Variants in C2orf81 observed in about 807,000 individuals in gnomAD.
The protein encoded by C2orf81 is uncharacterized protein C2orf81.
Under a neutral mutation model 7.9 loss-of-function variants are expected in C2orf81, and 5 were observed. The ratio of observed to expected loss-of-function variants is 0.63; its 90% CI spans 0.33 to 1.33. C2orf81 has a LOEUF of 1.33. Among genes scored for constraint, C2orf81 ranks in the 40% most tolerant of loss-of-function variants. The probability of loss-of-function intolerance (pLI) is 0.05; values close to 1 mark genes in which losing one functional copy is unlikely to be tolerated. For synonymous variants in C2orf81, 346 were observed against 367.4 expected, an observed-to-expected ratio of 0.94 and a Z score of 0.66; for missense variants, 781 against 830.4, an observed-to-expected ratio of 0.94 and a Z score of 0.73.
At chr2:74,418,172 C>G in intron 1 of C2orf81, 1 of 1,132,666 alleles carries the variant, frequency 8.8e-7, no homozygotes, top group Non-Finnish European at 1.3e-6. Context: ...TCCTCCTTCT[C>G]CAGTTTTTTG....
chr2:74,414,258 G>T lies in C2orf81; in HGVS notation c.*71C>A. The T allele has an allele frequency of 7.3e-7, 1 of 1,375,722 alleles. No individual in the cohort carries two copies. Among genetic ancestry groups the T allele is most frequent in the African/African-American group, 1.5e-5 (1 of 68,318 alleles). 85.2% of individuals were successfully genotyped at this position (1,375,722 alleles called of 1,614,324 possible). A position where few individuals can be genotyped will look rare whatever the true frequency, so the allele number is the denominator to read the frequency against. On this transcript the variant is annotated 3_prime_UTR_variant, in exon 3 of 3. Coordinates refer to ENST00000684111, the MANE Select transcript of C2orf81 (RefSeq NM_001316764.3). The surrounding 1 kb of genome is among the most constrained non-coding windows in gnomAD (Gnocchi z 5.3). The stretch of plus-strand genomic sequence containing the variant: ...ACTACTGCCAGAGGCTCAGGGATCA[G>T]AGGGAGGCAGCAGGCTTAGAGGAGC...
rs1369082242 is a variant in C2orf81 at position 74,414,339 on chromosome 2, T to G, written c.1838A>C (p.Lys613Thr). The G allele has an allele frequency of 2.0e-6, 3 of 1,484,074 alleles. No individual in the cohort carries two copies. Among genetic ancestry groups the G allele is most frequent in the Non-Finnish European group, 1.8e-6 (2 of 1,110,160 alleles). The allele number at this position is 1,484,074 out of a possible 1,614,324, so 91.9% of individuals were successfully genotyped here. Residue 613 changes from lysine to threonine, a missense_variant, in exon 3 of 3, where the codon AAG (lysine) becomes ACG (threonine). Lys to Thr is a moderately conservative substitution (Grantham distance 78). Coordinates refer to ENST00000684111, the MANE Select transcript of C2orf81 (RefSeq NM_001316764.3). The surrounding 1 kb of genome is among the most constrained non-coding windows in gnomAD (Gnocchi z 5.3). ...TTAGCTGTGCTACGGTCACCTGGGC[T>G]TTGGGGCACCTGTCTGGATGGGATG... is the stretch of plus-strand genomic sequence containing the variant. ...EQHPIQTGAPKPR is the reference protein window; with the variant it reads ...EQHPIQTGAPTPR
At chr2:74,420,577 C>T (rs1676576343) in intron 1 of C2orf81, among the ~76,000 whole-genome samples, 1 of 152,084 alleles carries the variant, frequency 6.6e-6, no homozygotes. Flanking sequence ...TGAGAACAGC[C>T]CTGTAGCAAG....
At chr2:74,420,772 C>CTTTTTTTTTTTT (rs745827470) in intron 1 of C2orf81, among the ~76,000 whole-genome samples, 12 of 72,700 alleles carry the variant, frequency 1.7e-4, no homozygotes, top group African/African-American at 4.0e-4. Context: ...TCTTCTTCTT[C>CTTTTTTTTTTTT]TTTTTTTTTT....
At position 74,415,811 on chromosome 2, in the gene C2orf81, C is replaced by A; in HGVS notation, c.366G>T (p.Glu122Asp). Reference sequence around the variant, plus strand: ...TCGTGCATGCCGAAGGCTCCTCGTCCTCACCCCATGTGGGGTCCTCAGCTA... The same window carrying A: ...TCGTGCATGCCGAAGGCTCCTCGTCATCACCCCATGTGGGGTCCTCAGCTA... The part of the protein sequence containing the change: ...SAVAEDPTWG[E>D]DEEPSACTTD... Residue 122 changes from glutamate to aspartate, a missense_variant, in exon 3 of 3, where the codon GAG (glutamate) becomes GAT (aspartate). Glu to Asp is a conservative substitution (Grantham distance 45). Coordinates refer to ENST00000684111, the MANE Select transcript of C2orf81 (RefSeq NM_001316764.3). The surrounding 1 kb of genome is among the most constrained non-coding windows in gnomAD (Gnocchi z 5.5). The A allele has an allele frequency of 6.4e-7, 1 of 1,551,644 alleles. No individual in the cohort carries two copies. The highest frequency in any genetic ancestry group is 8.7e-7 in the Non-Finnish European group (1 of 1,147,010).
At chr2:74,416,719 T>C (rs923588097) in intron 1 of C2orf81, 7 of 153,340 alleles carry the variant, frequency 4.6e-5, no homozygotes, top group Non-Finnish European at 8.7e-5. Flanking sequence ...CAGAGCAAAG[T>C]GTTCAAAATT....
chr2:74,420,916 G>C (rs1386184601), intron 1 of C2orf81, among the ~76,000 whole-genome samples: 2 of 151,514 alleles, frequency 1.3e-5, no homozygotes, highest in African/African-American at 2.4e-5. Context: ...GAGTAGCTGG[G>C]ATTACAGGCA....
At chr2:74,416,262 A>G in intron 1 of C2orf81, 21 bp from the exon 2 acceptor site, 2 of 1,323,702 alleles carry the variant, frequency 1.5e-6, no homozygotes. Context: ...AAAACATGGC[A>G]ATCAGAGCAG....
Position 74,416,585 on chromosome 2 carries a change from A to AG in C2orf81, c.19-345_19-344insC, listed in dbSNP as rs1676476726. The AG allele has an allele frequency of 5.3e-5, 8 of 151,648 alleles. No homozygotes were observed. The South Asian group carries it at 1.0e-3, about 20-fold the overall frequency. 9.4% of individuals were successfully genotyped at this position (151,648 alleles called of 1,614,324 possible). A position where few individuals can be genotyped will look rare whatever the true frequency, so the allele number is the denominator to read the frequency against. Reference sequence around the variant, plus strand: ...CGTCTCAAAAAAAAAAAAAAAAAAAAAAAAGAAAAAGAAAAAGAAAGAAAA... The same window carrying AG: ...CGTCTCAAAAAAAAAAAAAAAAAAAAGAAAAGAAAAAGAAAAAGAAAGAAAA... On this transcript the variant is annotated intron_variant, in intron 1 of 2. Transcript: ENST00000684111.
At position 74,415,115 on chromosome 2, in the gene C2orf81, C is replaced by T. The variant is rs760552323; in HGVS notation, c.1062G>A (p.Gly354=). ...GGGCGCTCAGCCGCACATCCGAGTGCCCGGCCCGCTGCTGCTGGCAGGACG... is the reference window on the plus strand; with the variant it reads ...GGGCGCTCAGCCGCACATCCGAGTGTCCGGCCCGCTGCTGCTGGCAGGACG... ...PSASCQQQRA[G]HSDVRLSAHH... Residue 354 remains glycine (G), a synonymous_variant, in exon 3 of 3, where the codon GGG becomes GGA. Transcript: ENST00000684111. The surrounding 1 kb of genome is among the most constrained non-coding windows in gnomAD (Gnocchi z 5.5). The T allele has an allele frequency of 4.5e-5, 70 of 1,544,932 alleles. No homozygotes were observed. The Middle Eastern group carries it at 5.0e-4, about 11-fold the overall frequency.
chr2:74,416,565 C>CAAAAAAAAAAAAA (rs59349435), intron 1 of C2orf81: 48 of 52,050 alleles, frequency 9.2e-4, no homozygotes, highest in South Asian at 2.7e-3. Context: ...GACTGCGTCT[C>CAAAAAAAAAAAAA]AAAAAAAAAA....
At chr2:74,418,248 T>G in intron 1 of C2orf81, 3 of 1,597,300 alleles carry the variant, frequency 1.9e-6, no homozygotes, top group Non-Finnish European at 2.6e-6. Context: ...CACCCTTGTT[T>G]TTGCTTCCCT....
chr2:74,416,634 T>C (rs1658172033), intron 1 of C2orf81: 1 of 159,168 alleles, frequency 6.3e-6, no homozygotes, highest in Admixed American at 6.4e-5. Flanking sequence ...CTGACAGAAG[T>C]TAACCAGCCT....
intron 1 of C2orf81, among the ~76,000 whole-genome samples, chr2:74,419,483 A>T (rs899164807): frequency 1.3e-5 from 2 of 152,262 alleles, no homozygotes; most frequent in Admixed American, 6.5e-5. Flanking sequence ...TTATTTTAAA[A>T]ACAAGAATAC....
At chr2:74,419,319 T>G (rs1676542595) in intron 1 of C2orf81, among the ~76,000 whole-genome samples, 2 of 152,172 alleles carry the variant, frequency 1.3e-5, no homozygotes, top group South Asian at 4.1e-4. Flanking sequence ...AAGTCCAGCT[T>G]GGGCTATATT....
At chr2:74,419,463 C>G (rs1204665331) in intron 1 of C2orf81, among the ~76,000 whole-genome samples, 2 of 152,146 alleles carry the variant, frequency 1.3e-5, no homozygotes, top group Non-Finnish European at 1.5e-5. Flanking sequence ...TCTAGTTCAT[C>G]AAATTGGAAT....
At position 74,414,833 on chromosome 2, in the gene C2orf81, C is replaced by G; in HGVS notation, c.1344G>C (p.Ser448=). 1 of 1,551,376 alleles carries G rather than the reference C, an allele frequency of 6.4e-7. No homozygotes were observed. The change falls in exon 3 of 3, where the codon TCG becomes TCC. Residue 448 remains serine, a synonymous_variant. Transcript: ENST00000684111. This position sits in a 1 kb window ranked among gnomAD's most constrained non-coding sequence, Gnocchi z 5.3. ...RPGIPFRDLD[S]GPALLFPTLN... is the part of the protein sequence containing the mutation. ...AAGTGGGGAACAGGAGTGCGGGGCC[C>G]GAGTCCAAGTCACGGAAAGGAATGC...
At chr2:74,419,653 C>A (rs913552505) in intron 1 of C2orf81, among the ~76,000 whole-genome samples, 8 of 152,206 alleles carry the variant, frequency 5.3e-5, no homozygotes, top group East Asian at 1.9e-4. Context: ...CCAACAAATT[C>A]TCTGCGGTAT....
At chr2:74,418,107 A>G in intron 1 of C2orf81, 1 of 708,258 alleles carries the variant, frequency 1.4e-6, no homozygotes, top group South Asian at 1.5e-5. Context: ...AAAGCTGTCC[A>G]GTCCCAGAAG....
Sources: allele counts gnomAD v4.1 joint callset (sites outside exome capture counted in the v4.1 genomes callset), GRCh38; gene constraint gnomAD v4.1.1; non-coding constraint Gnocchi (gnomAD v3.1); transcripts MANE v1.5; gene names NCBI Gene and HGNC (gene_info 2026-07-23, HGNC 2026-07-21).